ENG: variants seen among roughly 807,000 people sequenced by gnomAD.
The protein encoded by ENG is CD105 antigen.
A neutral mutation model predicts 71.0 loss-of-function variants in ENG; 17 were observed. That is an observed-to-expected ratio of 0.24 (90% CI 0.16 to 0.36). The LOEUF (loss-of-function observed/expected upper bound fraction) is 0.36, where lower values mean the gene tolerates loss of function less well. Ranked by LOEUF, ENG falls within the 10% of genes least tolerant of loss-of-function variation. The probability of loss-of-function intolerance (pLI) is 1.00; values close to 1 mark genes in which losing one functional copy is unlikely to be tolerated. For synonymous variants in ENG, 360 were observed against 366.9 expected (o/e 0.98, Z 0.21); for missense variants, 749 against 868.3 (o/e 0.86, Z 1.73).
chr9:127,851,549 C>G (rs960807611), intron 1 of ENG, among the ~76,000 whole-genome samples: 1 of 151,728 alleles, frequency 6.6e-6, no homozygotes, highest in Middle Eastern at 3.2e-3. Context: ...CAAAAGAAAA[C>G]AAAAAAACCC....
intron 2 of ENG, chr9:127,841,279 A>C (rs1831026300): frequency 6.6e-6 from 1 of 152,294 alleles, no homozygotes; most frequent in African/African-American, 2.4e-5. Context: ...GTGAGAATGC[A>C]CCAGTCCCCT....
chr9:127,826,006 C>A (rs1470141001), intron 4 of ENG, 146 bp from the exon 5 acceptor site: 5 of 1,094,370 alleles, frequency 4.6e-6, no homozygotes, highest in South Asian at 1.4e-5. Context: ...TAGGTTCGAA[C>A]TTCCCTTCCA....
rs949867026 is a variant in ENG, at chr9:127,847,004, T to G, written c.68-3759A>C. On this transcript the variant is annotated intron_variant, in intron 1 of 14. Transcript: ENST00000373203. Reference sequence around the variant, plus strand: ...GATGGCCTGGATCAAATCCCAGCTCTGCCTCTTAAAATGCTGGTCACCTTG... The same window carrying G: ...GATGGCCTGGATCAAATCCCAGCTCGGCCTCTTAAAATGCTGGTCACCTTG... 6.2e-6 allele frequency: 6 copies of G among 965,028 alleles called. No individual in the cohort carries two copies. In the African/African-American group the frequency reaches 8.8e-5, roughly 14 times the overall value. 59.8% of individuals were successfully genotyped at this position (965,028 alleles called of 1,614,324 possible).
intron 8 of ENG, among the ~76,000 whole-genome samples, chr9:127,820,556 C>T (rs536612346): frequency 1.8e-3 from 271 of 151,112 alleles, no homozygotes; most frequent in Admixed American, 3.0e-3. Flanking sequence ...AGGCCGGGTA[C>T]GGTGGCTCAC....
chr9:127,842,220 CT>C (rs1831051097), intron 2 of ENG, among the ~76,000 whole-genome samples: 1 of 87,870 alleles, frequency 1.1e-5, no homozygotes, highest in African/African-American at 4.5e-5. Context: ...TTCTCTTTTT[CT>C]TTTCTTTTTT....
chr9:127,822,020 A>C (rs1229074498), intron 8 of ENG, among the ~76,000 whole-genome samples: 1 of 152,048 alleles, frequency 6.6e-6, no homozygotes, highest in Non-Finnish European at 1.5e-5. Context: ...ACTGAACTCC[A>C]GCCTGGGTGA....
chr9:127,837,039 C>T lies in ENG; in HGVS notation c.219+6055G>A, dbSNP rs1488162406. Among the ~76,000 whole-genome samples, 6 of 152,228 alleles carry T rather than the reference C, an allele frequency of 3.9e-5. No homozygotes were observed. In the East Asian group the frequency reaches 5.8e-4, roughly 15 times the overall value. On this transcript the variant is annotated intron_variant, in intron 2 of 14. Coordinates refer to ENST00000373203, the MANE Select transcript of ENG (RefSeq NM_001114753.3). ...CCTGACCCAAATGATCCACCCACTT[C>T]GGCCTCCCAAAGTGCTGAGATTACA...
intron 2 of ENG, among the ~76,000 whole-genome samples, chr9:127,834,482 G>A (rs1010081429): frequency 3.3e-5 from 5 of 152,220 alleles, no homozygotes; most frequent in African/African-American, 9.6e-5. Flanking sequence ...TCTGCTCACC[G>A]CAACCTCCAC....
Position 127,843,203 on chromosome 9 carries a change from G to A in ENG, c.110C>T (p.Pro37Leu). 1 of 1,614,228 alleles carries A rather than the reference G, an allele frequency of 6.2e-7. No individual in the cohort carries two copies. Among genetic ancestry groups the A allele is most frequent in the Non-Finnish European group, 8.5e-7 (1 of 1,180,046 alleles). ...TVHCDLQPVG[P>L]ERGEVTYTTS... ...GGTATATGTCACCTCGCCCCTCTCG[G>A]GGCCCACAGGCTGAAGGTCACAATG... The change falls in exon 2 of 15, where the codon CCC becomes CTC. Residue 37 changes from proline to leucine, a missense_variant. Pro to Leu is a moderately conservative substitution (Grantham distance 98). Transcript: ENST00000373203.
Position 127,815,784 on chromosome 9 carries a change from G to A in ENG, c.1875C>T (p.Pro625=), listed in dbSNP as rs1378401054. 1.3e-6 allele frequency: 2 copies of A among 1,545,510 alleles called. No homozygotes were observed. The highest frequency in any genetic ancestry group is 1.7e-6 in the Non-Finnish European group (2 of 1,147,114). ...AGGCCGGGGCAGCCACCGCCACCACGGGCTCCCGCTTGCTGGGGGAACCTG... is the reference window on the plus strand; with the variant it reads ...AGGCCGGGGCAGCCACCGCCACCACAGGCTCCCGCTTGCTGGGGGAACCTG... The part of the protein sequence containing the change: ...SHTRSPSKRE[P]VVAVAAPASS... The change falls in exon 15 of 15, where the codon CCC becomes CCT. Residue 625 remains proline, a synonymous_variant. Transcript: ENST00000373203.
In ENG at chr9:127,843,100, G is replaced by A; in HGVS notation, c.213C>T (p.Phe71=). 2 of 1,614,048 alleles carry A rather than the reference G, an allele frequency of 1.2e-6. No individual in the cohort carries two copies. The highest frequency in any genetic ancestry group is 2.2e-5 in the South Asian group (2 of 91,078). The change falls in exon 2 of 15, where the codon TTC becomes TTT. Residue 71 remains phenylalanine (F), a synonymous_variant. Transcript: ENST00000373203. ...ILEVHVLFLE[F]PTGPSQLELT... ...CCTGCCATGGGACACTCACCGTTGG[G>A]AACTCCAGGAAGAGGACATGGACTT...
chr9:127,834,095 A>G (rs1439504192), intron 2 of ENG, among the ~76,000 whole-genome samples: 1 of 152,018 alleles, frequency 6.6e-6, no homozygotes, highest in Non-Finnish European at 1.5e-5. Context: ...GTTTTTTGAG[A>G]TGGAGTCTTG....
chr9:127,851,810 G>A (rs1317243718), intron 1 of ENG, among the ~76,000 whole-genome samples: 5 of 152,058 alleles, frequency 3.3e-5, no homozygotes, highest in African/African-American at 4.8e-5. Context: ...CCCGGGAGAC[G>A]GAGGTTGCAG....
At chr9:127,844,927 C>G (rs555615661) in intron 1 of ENG, among the ~76,000 whole-genome samples, 25 of 152,262 alleles carry the variant, frequency 1.6e-4, no homozygotes, top group African/African-American at 4.3e-4. Flanking sequence ...AGAAGGCGGC[C>G]CAGGTTTGGA....
intron 5 of ENG, 66 bp from the exon 6 acceptor site, chr9:127,825,423 G>A (rs1233065093): frequency 1.3e-5 from 21 of 1,598,038 alleles, no homozygotes; most frequent in South Asian, 9.9e-5. Context: ...GAGGCCTGGC[G>A]TCGGGTGGGC....
intron 3 of ENG, among the ~76,000 whole-genome samples, chr9:127,827,906 C>T (rs1830662314): frequency 6.6e-6 from 1 of 151,080 alleles, no homozygotes; most frequent in Non-Finnish European, 1.5e-5. Flanking sequence ...GTAATCCCAG[C>T]TACTCGGGAG....
intron 1 of ENG, among the ~76,000 whole-genome samples, chr9:127,848,613 C>A (rs1831226946): frequency 6.6e-6 from 1 of 152,186 alleles, no homozygotes; most frequent in South Asian, 2.1e-4. Flanking sequence ...TCCTTCAAAA[C>A]CCTGTCCTGA....
At chr9:127,842,969 T>A in intron 2 of ENG, 125 bp downstream of exon 2, 1 of 1,462,202 alleles carries the variant, frequency 6.8e-7, no homozygotes, top group South Asian at 1.1e-5. Flanking sequence ...CATCACTCTC[T>A]TGGCAGGGGG....
chr9:127,817,431 G>T, intron 12 of ENG: 1 of 609,312 alleles, frequency 1.6e-6, no homozygotes, highest in African/African-American at 1.8e-5. Flanking sequence ...GTTCCTGGAG[G>T]CCTTGATGCC....
Sources: gnomAD v4.1 joint callset for allele counts (sites outside exome capture counted in the v4.1 genomes callset) on GRCh38, gnomAD v4.1.1 for gene constraint, MANE v1.5 for transcripts, NCBI Gene and HGNC (gene_info 2026-07-23, HGNC 2026-07-21) for gene names.